PRDM5: variants seen among roughly 807,000 people sequenced by gnomAD.
PRDM5 encodes the protein PR domain zinc finger protein 5.
Under a neutral mutation model 81.2 loss-of-function variants are expected in PRDM5, and 56 were observed. That is an observed-to-expected ratio of 0.69 (90% CI 0.56 to 0.86). PRDM5 has a LOEUF of 0.86. PRDM5 is among the 40% of genes least tolerant of loss of function. The pLI, the probability that PRDM5 is intolerant of heterozygous loss-of-function variation, is 0.00. For missense variants in PRDM5, 697 were observed against 770.1 expected, an observed-to-expected ratio of 0.91 and a Z score of 1.12; for synonymous variants, 267 against 256.4, an observed-to-expected ratio of 1.04 and a Z score of -0.39.
At chr4:120,787,917 G>A (rs1277644038) in intron 10 of PRDM5, among the ~76,000 whole-genome samples, 3 of 152,092 alleles carry the variant, frequency 2.0e-5, no homozygotes, top group African/African-American at 7.2e-5. Context: ...CCATGAATAT[G>A]ATAAAGGAAT....
At chr4:120,845,301 G>A (rs572662159) in intron 3 of PRDM5, among the ~76,000 whole-genome samples, 4 of 152,308 alleles carry the variant, frequency 2.6e-5, no homozygotes, top group African/African-American at 4.8e-5. Flanking sequence ...TTTTCATGGC[G>A]AGAGAGGAGA....
intron 3 of PRDM5, among the ~76,000 whole-genome samples, chr4:120,843,427 G>C (rs979641778): frequency 1.3e-5 from 2 of 151,970 alleles, no homozygotes; most frequent in African/African-American, 4.8e-5. Context: ...TATAGGCCAG[G>C]CATGGTGGCT....
chr4:120,800,005 T>C (rs1426511515), intron 8 of PRDM5, among the ~76,000 whole-genome samples: 2 of 152,214 alleles, frequency 1.3e-5, no homozygotes, highest in African/African-American at 4.8e-5. Flanking sequence ...TAGTACATAT[T>C]AAATTTATAC....
chr4:120,866,295 T>C (rs1761192980), intron 2 of PRDM5, among the ~76,000 whole-genome samples: 1 of 152,208 alleles, frequency 6.6e-6, no homozygotes, highest in Non-Finnish European at 1.5e-5. Context: ...CACACTTTCA[T>C]CTGAGAGATT....
downstream of PRDM5, among the ~76,000 whole-genome samples, chr4:120,687,292 A>T (rs1301252404): frequency 6.6e-6 from 1 of 151,818 alleles, no homozygotes; most frequent in Non-Finnish European, 1.5e-5. Flanking sequence ...AACAACTCTT[A>T]TTTTCCCTTC....
At chr4:120,916,045 T>G (rs1344449864) in intron 1 of PRDM5, among the ~76,000 whole-genome samples, 1 of 152,150 alleles carries the variant, frequency 6.6e-6, no homozygotes, top group East Asian at 1.9e-4. Context: ...AAATGTTAAA[T>G]GAAGTTCTTC....
At chr4:120,732,776 A>G (rs1281144417) in intron 14 of PRDM5, among the ~76,000 whole-genome samples, 1 of 152,230 alleles carries the variant, frequency 6.6e-6, no homozygotes, top group Non-Finnish European at 1.5e-5. Flanking sequence ...AAGTGCTTGC[A>G]GAGAGAGAAA....
intron 3 of PRDM5, among the ~76,000 whole-genome samples, chr4:120,844,300 C>A (rs904156809): frequency 6.6e-6 from 1 of 152,130 alleles, no homozygotes; most frequent in African/African-American, 2.4e-5. Context: ...CACTTACAGG[C>A]GTACTTTGTT....
chr4:120,798,332 G>A lies in PRDM5; in HGVS notation c.1123C>T (p.Pro375Ser). Reference protein sequence around the residue: ...AHKVIHSEDKPYKCKLCGKGF... With the variant: ...AHKVIHSEDKSYKCKLCGKGF... ...TTTCCACAAAGTTTGCATTTGTAAG[G>A]TTTGTCTTCGCTGTGTATTACTTTG... Residue 375 changes from proline (P) to serine (S), a missense_variant, in exon 10 of 16, where the codon CCT (proline) becomes TCT (serine). Around this residue, in one of 3 missense-constraint regions of PRDM5, gnomAD observed 577 missense variants for 606.7 expected, o/e 0.95. Coordinates refer to ENST00000264808, the MANE Select transcript of PRDM5 (RefSeq NM_018699.4). 2 of 1,612,736 alleles carry A rather than the reference G, an allele frequency of 1.2e-6. No homozygotes were observed. Among genetic ancestry groups the A allele is most frequent in the East Asian group, 2.2e-5 (1 of 44,818 alleles).
intron 3 of PRDM5, among the ~76,000 whole-genome samples, chr4:120,828,587 C>T (rs1756326295): frequency 6.6e-6 from 1 of 151,984 alleles, no homozygotes; most frequent in African/African-American, 2.4e-5. Flanking sequence ...CTAAAATAAT[C>T]CAATGCATTT....
chr4:120,748,152 T>A (rs957180136), intron 14 of PRDM5, among the ~76,000 whole-genome samples: 6 of 152,192 alleles, frequency 3.9e-5, no homozygotes, highest in Non-Finnish European at 8.8e-5. Context: ...TTTGAGGCAC[T>A]GGACACAAAG....
At chr4:120,730,504 C>T (rs1007168429) in intron 14 of PRDM5, among the ~76,000 whole-genome samples, 1 of 152,080 alleles carries the variant, frequency 6.6e-6, no homozygotes, top group African/African-American at 2.4e-5. Flanking sequence ...CCCAAGATAC[C>T]TGTGATACCT....
chr4:120,808,173 C>G (rs568172641), intron 8 of PRDM5, among the ~76,000 whole-genome samples: 3 of 152,212 alleles, frequency 2.0e-5, no homozygotes, highest in East Asian at 3.9e-4. Flanking sequence ...GCTGGGGCAG[C>G]CTGCTTTTAT....
In PRDM5 at chr4:120,811,363, T is replaced by C. The variant is rs1466667437; in HGVS notation, c.945+7A>G. 1 of 1,560,712 alleles carries C rather than the reference T, an allele frequency of 6.4e-7. No individual in the cohort carries two copies. The highest frequency in any genetic ancestry group is 1.1e-5 in the South Asian group (1 of 87,976). On this transcript the variant is annotated splice_region_variant and intron_variant, in intron 8 of 15. Transcript: ENST00000264808. ...ATTAAACTGTGATGAATTTTTATCT[T>C]ACTGACCTTTCTATGTTCCTGTAGG...
chr4:120,801,929 C>G (rs1342542291), intron 8 of PRDM5, among the ~76,000 whole-genome samples: 2 of 151,886 alleles, frequency 1.3e-5, no homozygotes, highest in African/African-American at 4.8e-5. Context: ...AGATGTCATA[C>G]CTTCTGAGTT....
intron 14 of PRDM5, among the ~76,000 whole-genome samples, chr4:120,735,762 G>T (rs1209941156): frequency 6.6e-6 from 1 of 152,022 alleles, no homozygotes; most frequent in Non-Finnish European, 1.5e-5. Context: ...CCTTATCTCT[G>T]CCCAAAATCA....
chr4:120,816,803 A>T (rs750097233), intron 6 of PRDM5, 29 bp downstream of exon 6: 1 of 1,587,722 alleles, frequency 6.3e-7, no homozygotes, highest in South Asian at 1.1e-5. Context: ...CAATTATATA[A>T]CAGCCATTTC....
At chr4:120,818,802 T>C (rs558522443) in intron 4 of PRDM5, among the ~76,000 whole-genome samples, 7 of 152,300 alleles carry the variant, frequency 4.6e-5, no homozygotes, top group African/African-American at 1.7e-4. Context: ...ATGTTAACTT[T>C]TCAGATCAAA....
At chr4:120,774,888 C>CTATATATATATA (rs140501417) in intron 13 of PRDM5, among the ~76,000 whole-genome samples, 162 of 129,350 alleles carry the variant, frequency 1.3e-3, no homozygotes, top group Admixed American at 3.5e-3. Flanking sequence ...CTCTCTCTTT[C>CTATATATATATA]TATATATATA....
Sources: gnomAD v4.1 joint callset for allele counts (sites outside exome capture counted in the v4.1 genomes callset) on GRCh38, gnomAD v4.1.1 for gene constraint, gnomAD v4.1.1 regional missense constraint, MANE v1.5 for transcripts, NCBI Gene and HGNC (gene_info 2026-07-23, HGNC 2026-07-21) for gene names.